The following TRPM3 variants were observed in gnomAD, a reference collection of about 807,000 sequenced individuals.
TRPM3 encodes long transient receptor potential channel 3.
A neutral mutation model predicts 181.2 loss-of-function variants in TRPM3; 77 were observed. The ratio of observed to expected loss-of-function variants is 0.42; its 90% CI spans 0.35 to 0.51. The LOEUF (loss-of-function observed/expected upper bound fraction) is 0.51. Among genes scored for constraint, TRPM3 ranks in the 20% least tolerant of loss-of-function variants. TRPM3 has a pLI of 0.01. For missense variants in TRPM3, 1,759 were observed against 2,196.7 expected (o/e 0.80, Z 3.98); for synonymous variants, 745 against 796.4 (o/e 0.94, Z 1.09).
rs111970486 is a variant in TRPM3, at chr9:71,204,854, A to T, written c.183+241799T>A. Among the ~76,000 whole-genome samples, 885 of 152,320 alleles carry T rather than the reference A, an allele frequency of 5.8e-3. 9 individuals carry two copies. The highest frequency in any genetic ancestry group is 8.8e-3 in the Non-Finnish European group (599 of 68,032). ...ATAGACTGGATTAAGAAAATGTGGC[A>T]CATATACACCATGGAATACTATGCA... On this transcript the variant is annotated intron_variant, in intron 1 of 24. Coordinates refer to the TRPM3 transcript ENST00000357533.
rs2041499636 is a variant in TRPM3, at chr9:70,535,435, T to C, written c.*518A>G. 6.4e-7 allele frequency: 1 copy of C among 1,550,596 alleles called. No homozygotes were observed. Among genetic ancestry groups the C allele is most frequent in the Non-Finnish European group, 8.7e-7 (1 of 1,147,002 alleles). On this transcript the variant is annotated 3_prime_UTR_variant, in exon 26 of 26. Coordinates refer to ENST00000677713, the MANE Select transcript of TRPM3 (RefSeq NM_001366145.2). ...AGAACTGCTTGCTGCCGGCTTATAC[T>C]GAATAAAGAGGATGCTCTTCATCAG...
At chr9:70,588,196 C>G (rs2057478008) in intron 22 of TRPM3, among the ~76,000 whole-genome samples, 2 of 152,130 alleles carry the variant, frequency 1.3e-5, no homozygotes, top group Non-Finnish European at 2.9e-5. Flanking sequence ...AAGTTTCATT[C>G]CAGTATCTTA....
At chr9:71,394,881 G>A (rs1040095079) in intron 1 of TRPM3, among the ~76,000 whole-genome samples, 2 of 152,114 alleles carry the variant, frequency 1.3e-5, no homozygotes, top group African/African-American at 4.8e-5. Flanking sequence ...GCCTCAAAAG[G>A]CCAAAATTCA....
intron 1 of TRPM3, among the ~76,000 whole-genome samples, chr9:71,168,017 G>T (rs916077657): frequency 1.3e-5 from 2 of 152,138 alleles, no homozygotes; most frequent in Admixed American, 6.5e-5. Context: ...TTTAGAGGAA[G>T]AACTGTTATT....
intron 1 of TRPM3, among the ~76,000 whole-genome samples, chr9:70,904,654 A>G (rs1211717827): frequency 6.6e-6 from 1 of 152,222 alleles, no homozygotes; most frequent in Non-Finnish European, 1.5e-5. Context: ...CACAGTCCTC[A>G]AGGAAGAGCT....
At chr9:71,109,094 A>T (rs1051418688) in intron 1 of TRPM3, among the ~76,000 whole-genome samples, 2 of 152,194 alleles carry the variant, frequency 1.3e-5, no homozygotes, top group Non-Finnish European at 2.9e-5. Flanking sequence ...TATCTGCAAC[A>T]TCAGCTGTTC....
chr9:71,420,782 AGAGAAAG>A (rs1207306059), intron 1 of TRPM3, among the ~76,000 whole-genome samples: 7 of 105,224 alleles, frequency 6.7e-5, no homozygotes, highest in East Asian at 2.1e-4. Context: ...AGAGAAAGAG[AGAGAAAG>A]AGAGAGAAAG....
At chr9:71,244,855 G>A (rs764549739) in intron 1 of TRPM3, among the ~76,000 whole-genome samples, 29 of 152,102 alleles carry the variant, frequency 1.9e-4, no homozygotes, top group Admixed American at 3.9e-4. Context: ...AGCACTATAC[G>A]GAATTTAGTT....
chr9:70,579,033 C>T (rs1277941926), intron 22 of TRPM3: 1 of 152,208 alleles, frequency 6.6e-6, no homozygotes, highest in African/African-American at 2.4e-5. Flanking sequence ...GTGAGATAGA[C>T]CTTGACTATG....
intron 5 of TRPM3, among the ~76,000 whole-genome samples, chr9:70,833,438 T>G (rs746863095): frequency 2.6e-5 from 4 of 152,208 alleles, no homozygotes; most frequent in African/African-American, 9.6e-5. Context: ...CACCATCATT[T>G]TAATTTAGGC....
intron 1 of TRPM3, among the ~76,000 whole-genome samples, chr9:71,281,719 C>T (rs2084720953): frequency 6.6e-6 from 1 of 151,972 alleles, no homozygotes; most frequent in Non-Finnish European, 1.5e-5. Context: ...AGGAGAAAAC[C>T]ACATTTGAGT....
chr9:71,292,273 A>G (rs568969986), intron 1 of TRPM3, among the ~76,000 whole-genome samples: 17 of 152,158 alleles, frequency 1.1e-4, no homozygotes, highest in Non-Finnish European at 2.1e-4. Context: ...ATTTAAAAGG[A>G]GAATTGTATT....
chr9:70,847,444 T>G (rs1201345448), intron 3 of TRPM3, among the ~76,000 whole-genome samples: 1 of 152,130 alleles, frequency 6.6e-6, no homozygotes, highest in Non-Finnish European at 1.5e-5. Flanking sequence ...TTGAGACTCC[T>G]AAACAAAGAA....
Position 70,841,703 on chromosome 9 carries a change from CATATATATCTCCCACCATATAT to C in TRPM3, c.801+1278_801+1299del, listed in dbSNP as rs1465320430. On this transcript the variant is annotated intron_variant, in intron 5 of 25. Coordinates refer to ENST00000677713, the MANE Select transcript of TRPM3 (RefSeq NM_001366145.2). ...ATATATAGATATATCCCACCATATA[CATATATATCTCCCACCATATAT>C]ATATATATATGGTGGGATACTGGCC... is the stretch of plus-strand genomic sequence containing the variant. Among the ~76,000 whole-genome samples the C allele has an allele frequency of 3.3e-4, 42 of 128,722 alleles. 1 individual carries two copies. The Admixed American group carries it at 3.3e-3, about 10-fold the overall frequency. The allele number at this position is 128,722 out of a possible 152,430, so 84.4% of individuals were successfully genotyped here. A position where few individuals can be genotyped will look rare whatever the true frequency, so the allele number is the denominator to read the frequency against.
chr9:71,248,667 C>T (rs1468308293), intron 1 of TRPM3, among the ~76,000 whole-genome samples: 3 of 152,194 alleles, frequency 2.0e-5, no homozygotes, highest in African/African-American at 7.2e-5. Flanking sequence ...CAGCTATTCA[C>T]AACTTACTCT....
intron 10 of TRPM3, 71 bp from the exon 11 acceptor site, chr9:70,639,265 G>C (rs2057693819): frequency 6.5e-7 from 1 of 1,547,910 alleles, no homozygotes; most frequent in Non-Finnish European, 8.8e-7. Context: ...GTGTTCACTT[G>C]AACAGCTTAG....
At chr9:71,428,220 T>C (rs1328446714) in intron 1 of TRPM3, among the ~76,000 whole-genome samples, 1 of 151,112 alleles carries the variant, frequency 6.6e-6, no homozygotes, top group Non-Finnish European at 1.5e-5. Context: ...ACCTCCCAAG[T>C]GGCTGGGATT....
intron 1 of TRPM3, among the ~76,000 whole-genome samples, chr9:71,420,523 G>GAAAGAGAAAGAAAGAAAGAA (rs1263940220): frequency 1.2e-4 from 17 of 136,916 alleles, no homozygotes; most frequent in African/African-American, 4.6e-4. Flanking sequence ...AAGAAAAAGA[G>GAAAGAGAAAGAAAGAAAGAA]AAAGAGAAAG....
intron 1 of TRPM3, among the ~76,000 whole-genome samples, chr9:70,924,789 T>C (rs1370454147): frequency 6.6e-6 from 1 of 152,182 alleles, no homozygotes; most frequent in Non-Finnish European, 1.5e-5. Flanking sequence ...TAATAACCAT[T>C]CTCTAGCTGA....
Sources: gnomAD v4.1 joint callset for allele counts (sites outside exome capture counted in the v4.1 genomes callset) on GRCh38, gnomAD v4.1.1 for gene constraint, MANE v1.5 for transcripts, NCBI Gene and HGNC (gene_info 2026-07-23, HGNC 2026-07-21) for gene names.